Variants in PRRC1 observed in about 807,000 individuals in gnomAD.
PRRC1 encodes protein PRRC1.
PRRC1 carries 39 observed loss-of-function variants against 40.7 expected under a neutral mutation model. The ratio of observed to expected loss-of-function variants is 0.96; its 90% CI spans 0.74 to 1.25. The LOEUF (loss-of-function observed/expected upper bound fraction) is 1.25, where lower values mean the gene tolerates loss of function less well. Among genes scored for constraint, PRRC1 ranks in the 50% most tolerant of loss-of-function variants. PRRC1 has a pLI of 0.00. For synonymous variants in PRRC1, 175 were observed against 193.3 expected (o/e 0.91, Z 0.79); for missense variants, 573 against 548.3 (o/e 1.05, Z -0.45).
At chr5:127,527,402 A>G (rs1473158203) in intron 4 of PRRC1, among the ~76,000 whole-genome samples, 3 of 152,140 alleles carry the variant, frequency 2.0e-5, no homozygotes, top group Non-Finnish European at 4.4e-5. Context: ...GTTCCTAACT[A>G]TAGTCACCCT....
At chr5:127,530,020 GTA>G (rs1414336902) in intron 4 of PRRC1, among the ~76,000 whole-genome samples, 1 of 151,956 alleles carries the variant, frequency 6.6e-6, no homozygotes, top group African/African-American at 2.4e-5. Context: ...ACATATATAT[GTA>G]TATATAGTAT....
intron 4 of PRRC1, among the ~76,000 whole-genome samples, chr5:127,528,630 CA>C (rs1767686794): frequency 6.6e-6 from 1 of 151,718 alleles, no homozygotes; most frequent in African/African-American, 2.4e-5. Context: ...CTTTTCTTTA[CA>C]TTTTTTTTTA....
intron 7 of PRRC1, among the ~76,000 whole-genome samples, chr5:127,542,970 T>C (rs151789): frequency 1 from 151,737 of 151,752 alleles, 75,861 homozygotes; most frequent in Middle Eastern, 1. Flanking sequence ...TTCCTAGTTT[T>C]GATGGTCTTT....
chr5:127,548,570 T>TC (rs1648201997), intron 8 of PRRC1: 1 of 152,076 alleles, frequency 6.6e-6, no homozygotes, highest in African/African-American at 2.4e-5. Context: ...TTGACTTTTT[T>TC]CTGTCAATTT....
chr5:127,526,535 T>G, intron 3 of PRRC1, 83 bp from the exon 4 acceptor site: 1 of 1,017,662 alleles, frequency 9.8e-7, no homozygotes, highest in Non-Finnish European at 1.4e-6. Context: ...AATATTAATA[T>G]TAAAGTTGTT....
intron 6 of PRRC1, among the ~76,000 whole-genome samples, chr5:127,535,681 A>G (rs1329533779): frequency 6.6e-6 from 1 of 152,168 alleles, no homozygotes; most frequent in Non-Finnish European, 1.5e-5. Flanking sequence ...GGAGCTTATA[A>G]TAGCCTGCAT....
intron 7 of PRRC1, among the ~76,000 whole-genome samples, chr5:127,540,924 TGA>T (rs1305229826): frequency 6.6e-6 from 1 of 152,100 alleles, no homozygotes; most frequent in African/African-American, 2.4e-5. Flanking sequence ...ATAGGAGTGG[TGA>T]GAGAGGGCAT....
chr5:127,524,665 G>C lies in PRRC1; in HGVS notation c.238G>C (p.Val80Leu). 1 of 1,614,084 alleles carries C rather than the reference G, an allele frequency of 6.2e-7. No individual in the cohort carries two copies. Among genetic ancestry groups the C allele is most frequent in the Non-Finnish European group, 8.5e-7 (1 of 1,180,026 alleles). ...ATTACCTTTTGTGCCTCCTCCTGCA[G>C]TTCCTTCTGTCCCACCACTTGTTAC... is the stretch of plus-strand genomic sequence containing the variant. ...APLPFVPPPA[V>L]PSVPPLVTSM... The change falls in exon 3 of 9, where the codon GTT (valine) becomes CTT (leucine). Residue 80 changes from valine to leucine, a missense_variant. Coordinates refer to ENST00000296666, the MANE Select transcript of PRRC1 (RefSeq NM_130809.5).
At chr5:127,526,879 A>G (rs1231617803) in intron 4 of PRRC1, 101 bp downstream of exon 4, 12 of 1,096,520 alleles carry the variant, frequency 1.1e-5, no homozygotes, top group Non-Finnish European at 1.5e-5. Flanking sequence ...AAGGAAAAAT[A>G]AAATTCTTTT....
chr5:127,534,827 A>G (rs577998752), intron 6 of PRRC1, among the ~76,000 whole-genome samples: 3 of 152,316 alleles, frequency 2.0e-5, no homozygotes, highest in South Asian at 2.1e-4. Flanking sequence ...CTCAAACTTA[A>G]TATGTCTAGA....
intron 8 of PRRC1, chr5:127,549,338 T>C (rs1167695373): frequency 2.6e-5 from 4 of 152,308 alleles, no homozygotes; most frequent in African/African-American, 7.2e-5. Flanking sequence ...GTCAAAACCA[T>C]TGGTAAAATT....
At chr5:127,527,324 T>C (rs1767644214) in intron 4 of PRRC1, among the ~76,000 whole-genome samples, 1 of 152,190 alleles carries the variant, frequency 6.6e-6, no homozygotes, top group East Asian at 1.9e-4. Context: ...ATATTTACCA[T>C]TTTTTTGTGG....
At chr5:127,521,052 C>G (rs531122944) in intron 1 of PRRC1, among the ~76,000 whole-genome samples, 3 of 152,228 alleles carry the variant, frequency 2.0e-5, no homozygotes, top group Non-Finnish European at 2.9e-5. Flanking sequence ...TGATAAATTT[C>G]TCTTCATAGA....
chr5:127,530,577 TAA>T (rs1767741762), intron 5 of PRRC1, among the ~76,000 whole-genome samples, 181 bp downstream of exon 5: 2 of 152,178 alleles, frequency 1.3e-5, no homozygotes, highest in Admixed American at 1.3e-4. Context: ...TCATCTTTTT[TAA>T]AAGTCATTAA....
chr5:127,533,910 CT>C, intron 6 of PRRC1, 124 bp downstream of exon 6: 2 of 1,021,116 alleles, frequency 2.0e-6, no homozygotes, highest in Non-Finnish European at 3.0e-6. Context: ...ATGAACTTTG[CT>C]TTTAGTAGAC....
At position 127,524,908 on chromosome 5, in the gene PRRC1, C is replaced by A. The variant is rs1371693353; in HGVS notation, c.481C>A (p.Pro161Thr). 1.3e-6 allele frequency: 2 copies of A among 1,596,946 alleles called. No individual in the cohort carries two copies. The highest frequency in any genetic ancestry group is 1.7e-6 in the Non-Finnish European group (2 of 1,170,238). ...ACCCCTGATGCCATCATTTTCTGCA[C>A]CTTCAGGAACAGGTAATTCTTTCTG... ...QTPLMPSFSA[P>T]SGTGLLPTPI... Residue 161 changes from proline to threonine, a missense_variant, in exon 3 of 9, where the codon CCT becomes ACT. By Grantham distance (38) the Pro-to-Thr change is conservative. Transcript: ENST00000296666.
chr5:127,541,666 T>C (rs1330161202), intron 7 of PRRC1, among the ~76,000 whole-genome samples: 1 of 152,096 alleles, frequency 6.6e-6, no homozygotes, highest in East Asian at 1.9e-4. Flanking sequence ...TTGCGTAGAG[T>C]TGTTTGTAGT....
intron 7 of PRRC1, among the ~76,000 whole-genome samples, chr5:127,545,318 C>T (rs1413623997): frequency 6.6e-6 from 1 of 151,988 alleles, no homozygotes; most frequent in Non-Finnish European, 1.5e-5. Context: ...AATCATGCTG[C>T]TATAAAGACA....
At chr5:127,519,972 C>T (rs1013907712) in intron 1 of PRRC1, among the ~76,000 whole-genome samples, 6 of 152,170 alleles carry the variant, frequency 3.9e-5, no homozygotes, top group African/African-American at 1.4e-4. Flanking sequence ...GCCTCCTTTC[C>T]CTTCCTCCAT....
Sources: allele counts gnomAD v4.1 joint callset (sites outside exome capture counted in the v4.1 genomes callset), GRCh38; gene constraint gnomAD v4.1.1; transcripts MANE v1.5; gene names NCBI Gene and HGNC (gene_info 2026-07-23, HGNC 2026-07-21).